PDE1A: variants seen among roughly 807,000 people sequenced by gnomAD.
PDE1A encodes dual specificity calcium/calmodulin-dependent 3',5'-cyclic nucleotide phosphodiesterase 1A.
In PDE1A, 35 loss-of-function variants were observed where a neutral mutation model predicts 61.7. The ratio of observed to expected loss-of-function variants is 0.57; its 90% CI spans 0.43 to 0.75. PDE1A has a LOEUF of 0.75. PDE1A is among the 30% of genes least tolerant of loss of function. The pLI, the probability that PDE1A is intolerant of heterozygous loss-of-function variation, is 0.00. For synonymous variants in PDE1A, 232 were observed against 213.2 expected, an observed-to-expected ratio of 1.09 and a Z score of -0.77; for missense variants, 597 against 630.6, an observed-to-expected ratio of 0.95 and a Z score of 0.57.
At chr2:182,372,518 ACT>A (rs1246553911) in intron 1 of PDE1A, among the ~76,000 whole-genome samples, 1 of 152,226 alleles carries the variant, frequency 6.6e-6, no homozygotes, top group Non-Finnish European at 1.5e-5. Flanking sequence ...AACAGGTAAC[ACT>A]GTTATATGCT....
chr2:182,241,668 A>G, intron 2 of PDE1A: 1 of 538,648 alleles, frequency 1.9e-6, no homozygotes, highest in Non-Finnish European at 3.0e-6. Flanking sequence ...TTTCCATGGT[A>G]TTAAATAAGC....
At chr2:182,605,384 T>C in the PDE1A span, among the ~76,000 whole-genome samples, 1 of 152,084 alleles carries the variant, frequency 6.6e-6, no homozygotes, top group Non-Finnish European at 1.5e-5. Context: ...GAGGTGTCAT[T>C]CCAGGCAGAG....
intron 1 of PDE1A, among the ~76,000 whole-genome samples, chr2:182,348,490 G>C (rs889224475): frequency 1.3e-5 from 2 of 152,066 alleles, no homozygotes; most frequent in Admixed American, 6.6e-5. Context: ...CCCTAGAAAA[G>C]ATTTCCTCCC....
At chr2:182,563,882 C>A in the PDE1A span, among the ~76,000 whole-genome samples, 2 of 152,132 alleles carry the variant, frequency 1.3e-5, no homozygotes. Flanking sequence ...GCAACCCCTG[C>A]CTTTTTTTGT....
chr2:182,425,635 G>A (rs890116545), intron 1 of PDE1A, among the ~76,000 whole-genome samples: 1 of 151,886 alleles, frequency 6.6e-6, no homozygotes, highest in Non-Finnish European at 1.5e-5. Flanking sequence ...ATTCCTCGAG[G>A]TCTACTCATT....
chr2:182,337,118 G>A (rs1243099001), intron 1 of PDE1A, among the ~76,000 whole-genome samples: 1 of 152,034 alleles, frequency 6.6e-6, no homozygotes, highest in Non-Finnish European at 1.5e-5. Flanking sequence ...ATACATGTTA[G>A]GTTGTATTTT....
chr2:182,670,571 T>A, the PDE1A span, among the ~76,000 whole-genome samples: 3 of 152,290 alleles, frequency 2.0e-5, no homozygotes, highest in East Asian at 3.9e-4. Flanking sequence ...CTTGTTAATA[T>A]TCCTGGATTT....
the PDE1A span, among the ~76,000 whole-genome samples, chr2:182,615,113 A>G: frequency 6.6e-6 from 1 of 152,198 alleles, no homozygotes; most frequent in Non-Finnish European, 1.5e-5. Context: ...ATTTCCTAAG[A>G]CTATGTAGCT....
chr2:182,208,740 G>A (rs1216345886), intron 7 of PDE1A, among the ~76,000 whole-genome samples: 1 of 152,186 alleles, frequency 6.6e-6, no homozygotes, highest in African/African-American at 2.4e-5. Context: ...GAGACATGGA[G>A]TCAAAAAGAT....
At chr2:182,678,803 G>A in the PDE1A span, among the ~76,000 whole-genome samples, 9 of 152,088 alleles carry the variant, frequency 5.9e-5, no homozygotes, top group African/African-American at 2.2e-4. Flanking sequence ...GCGAAGAGGA[G>A]GGGGAGAGGG....
intron 1 of PDE1A, among the ~76,000 whole-genome samples, chr2:182,297,766 C>T (rs1383043626): frequency 6.6e-6 from 1 of 152,234 alleles, no homozygotes; most frequent in African/African-American, 2.4e-5. Flanking sequence ...TGTGCCTATG[C>T]TTCCAGAATC....
chr2:182,365,313 C>A (rs1311351824), intron 1 of PDE1A, among the ~76,000 whole-genome samples: 2 of 151,938 alleles, frequency 1.3e-5, no homozygotes, highest in Admixed American at 6.6e-5. Flanking sequence ...TGCAAGCTAA[C>A]CATTAAAATA....
intron 1 of PDE1A, among the ~76,000 whole-genome samples, chr2:182,350,862 C>T (rs996030227): frequency 1.1e-4 from 16 of 152,164 alleles, no homozygotes; most frequent in African/African-American, 3.9e-4. Context: ...CACCCTCACA[C>T]GTTGACTCAC....
intron 8 of PDE1A, among the ~76,000 whole-genome samples, chr2:182,205,176 C>A (rs1686994266): frequency 6.6e-6 from 1 of 151,990 alleles, no homozygotes; most frequent in South Asian, 2.1e-4. Context: ...AAATACAGGC[C>A]TTTTTCTGTT....
intron 7 of PDE1A, among the ~76,000 whole-genome samples, 164 bp downstream of exon 7, chr2:182,223,700 A>T (rs892270502): frequency 6.6e-6 from 1 of 152,130 alleles, no homozygotes; most frequent in South Asian, 2.1e-4. Flanking sequence ...AAAAAATAGT[A>T]GTTAATTGAT....
At chr2:182,497,131 CATGT>C (rs1209215276) in intron 2 of PDE1A, among the ~76,000 whole-genome samples, 2 of 152,114 alleles carry the variant, frequency 1.3e-5, no homozygotes, top group African/African-American at 4.8e-5. Context: ...CAATTGAATA[CATGT>C]ATTTATCATT....
intron 3 of PDE1A, among the ~76,000 whole-genome samples, chr2:182,238,130 AG>A (rs1690186596): frequency 6.6e-6 from 1 of 151,856 alleles, no homozygotes; most frequent in Non-Finnish European, 1.5e-5. Flanking sequence ...TTAGCCAGGC[AG>A]GGTTGCGGGT....
At chr2:182,409,615 C>A (rs910614183) in intron 1 of PDE1A, among the ~76,000 whole-genome samples, 1 of 152,264 alleles carries the variant, frequency 6.6e-6, no homozygotes, top group Non-Finnish European at 1.5e-5. Context: ...ATTCTTACTT[C>A]CTGATGGGCC....
At chr2:182,261,325 T>C (rs1030071201) in intron 2 of PDE1A, among the ~76,000 whole-genome samples, 3 of 152,186 alleles carry the variant, frequency 2.0e-5, no homozygotes, top group Non-Finnish European at 4.4e-5. Flanking sequence ...GCTTTAATTA[T>C]CTCATTAGTA....
Sources: allele counts gnomAD v4.1 joint callset (sites outside exome capture counted in the v4.1 genomes callset), GRCh38; gene constraint gnomAD v4.1.1; transcripts MANE v1.5; gene names NCBI Gene and HGNC (gene_info 2026-07-23, HGNC 2026-07-21).